Variants in CHCHD6 observed in about 807,000 individuals in gnomAD.
CHCHD6 encodes the protein MICOS complex subunit MIC25.
Under a neutral mutation model 32.3 loss-of-function variants are expected in CHCHD6, and 28 were observed. That is an observed-to-expected ratio of 0.87 (90% CI 0.64 to 1.19). The LOEUF (loss-of-function observed/expected upper bound fraction) is 1.19. CHCHD6 is among the 50% of genes most tolerant of loss of function. CHCHD6 has a pLI of 0.00. For missense variants in CHCHD6, 333 were observed against 307.0 expected, an observed-to-expected ratio of 1.08 and a Z score of -0.63; for synonymous variants, 122 against 117.5, an observed-to-expected ratio of 1.04 and a Z score of -0.25.
At chr3:126,950,601 C>T (rs1164617166) in intron 6 of CHCHD6, among the ~76,000 whole-genome samples, 2 of 152,236 alleles carry the variant, frequency 1.3e-5, no homozygotes. Flanking sequence ...CAGGCCCTCA[C>T]CACCATGCCT....
Position 126,914,686 on chromosome 3 carries a change from G to A in CHCHD6, c.502G>A (p.Glu168Lys), listed in dbSNP as rs1221643340. 5.7e-6 allele frequency: 9 copies of A among 1,579,384 alleles called. No individual in the cohort carries two copies. Among genetic ancestry groups the A allele is most frequent in the Non-Finnish European group, 7.0e-6 (8 of 1,148,476 alleles). ...TCTGTTTTTCTCCTTGTAGAATGCT[G>A]AGATGTATAAACTGTCTTCAGAGCA... ...QLERIERKNA[E>K]MYKLSSEQFH... Residue 168 changes from glutamate (E) to lysine (K), a missense_variant, in exon 6 of 8, where the codon GAG becomes AAG. Coordinates refer to ENST00000290913, the MANE Select transcript of CHCHD6 (RefSeq NM_032343.3).
At chr3:126,914,331 T>C (rs1427795054) in intron 5 of CHCHD6, among the ~76,000 whole-genome samples, 1 of 152,244 alleles carries the variant, frequency 6.6e-6, no homozygotes, top group Non-Finnish European at 1.5e-5. Flanking sequence ...TCTGCCATTG[T>C]AGCACAGAAG....
intron 6 of CHCHD6, among the ~76,000 whole-genome samples, chr3:126,943,868 G>T (rs889023192): frequency 3.9e-5 from 6 of 152,264 alleles, no homozygotes; most frequent in African/African-American, 1.4e-4. Context: ...TTTCCTTTTA[G>T]GTTATGAGTG....
At chr3:126,757,728 A>C (rs114841339) in intron 4 of CHCHD6, among the ~76,000 whole-genome samples, 1 of 152,278 alleles carries the variant, frequency 6.6e-6, no homozygotes, top group African/African-American at 2.4e-5. Flanking sequence ...CGAGTAAGAA[A>C]TTGTAAGAAA....
chr3:126,844,999 C>T (rs1941245471), intron 4 of CHCHD6, among the ~76,000 whole-genome samples: 1 of 152,184 alleles, frequency 6.6e-6, no homozygotes, highest in Non-Finnish European at 1.5e-5. Flanking sequence ...AGGTACAGCC[C>T]TGCCACTAGC....
chr3:126,748,070 T>C (rs1386167561), intron 4 of CHCHD6, among the ~76,000 whole-genome samples: 1 of 152,092 alleles, frequency 6.6e-6, no homozygotes, highest in Admixed American at 6.5e-5. Flanking sequence ...GGGGCCTCTC[T>C]GCCAGTGACC....
At chr3:126,724,740 A>G (rs747537319) in intron 1 of CHCHD6, among the ~76,000 whole-genome samples, 10 of 152,250 alleles carry the variant, frequency 6.6e-5, no homozygotes, top group Non-Finnish European at 1.5e-4. Context: ...TACTCTATCA[A>G]CTAAGTTTAT....
chr3:126,885,413 C>T (rs1013541095), intron 5 of CHCHD6, among the ~76,000 whole-genome samples: 1 of 152,160 alleles, frequency 6.6e-6, no homozygotes, highest in South Asian at 2.1e-4. Flanking sequence ...AGAACTGAGC[C>T]CCGTTTTACT....
intron 5 of CHCHD6, among the ~76,000 whole-genome samples, chr3:126,892,526 C>A (rs1203107897): frequency 6.6e-6 from 1 of 152,204 alleles, no homozygotes; most frequent in East Asian, 1.9e-4. Context: ...CAGCGTTGGG[C>A]ACCCCTGAAA....
At chr3:126,751,923 C>T (rs1442750325) in intron 4 of CHCHD6, among the ~76,000 whole-genome samples, 1 of 152,216 alleles carries the variant, frequency 6.6e-6, no homozygotes, top group Non-Finnish European at 1.5e-5. Flanking sequence ...CAGTTATGCC[C>T]CTCCAAAGCC....
chr3:126,935,177 T>G (rs959378815), intron 6 of CHCHD6: 1 of 987,190 alleles, frequency 1.0e-6, no homozygotes, highest in African/African-American at 1.7e-5. Context: ...ATTTCTGCCT[T>G]GAATGTCAGG....
chr3:126,728,675 G>A (rs1935650631), intron 2 of CHCHD6, among the ~76,000 whole-genome samples: 1 of 152,226 alleles, frequency 6.6e-6, no homozygotes, highest in African/African-American at 2.4e-5. Flanking sequence ...TCGAAAGAGG[G>A]AGAAAGTGAT....
intron 6 of CHCHD6, among the ~76,000 whole-genome samples, chr3:126,955,541 G>A (rs148612476): frequency 3.9e-5 from 6 of 152,326 alleles, no homozygotes; most frequent in Non-Finnish European, 2.9e-5. Context: ...TGGCAGGAAG[G>A]GGAAGGCGTG....
chr3:126,947,580 G>C (rs1381307627), intron 6 of CHCHD6, among the ~76,000 whole-genome samples: 1 of 152,172 alleles, frequency 6.6e-6, no homozygotes, highest in African/African-American at 2.4e-5. Flanking sequence ...GGCCAGTCAC[G>C]TGAGCTGCCT....
intron 4 of CHCHD6, among the ~76,000 whole-genome samples, chr3:126,764,224 T>TATATAA (rs1491585281): frequency 5.6e-5 from 8 of 144,014 alleles, no homozygotes; most frequent in African/African-American, 1.3e-4. Context: ...TATATATATA[T>TATATAA]AAATATATGA....
At chr3:126,735,784 C>A (rs1257115171) in intron 4 of CHCHD6, among the ~76,000 whole-genome samples, 2 of 152,210 alleles carry the variant, frequency 1.3e-5, no homozygotes, top group African/African-American at 4.8e-5. Flanking sequence ...GGTCCTCCTG[C>A]CTTCTTGAGG....
At chr3:126,862,326 C>T (rs1559887246) in intron 5 of CHCHD6, among the ~76,000 whole-genome samples, 3 of 140,538 alleles carry the variant, frequency 2.1e-5, no homozygotes, top group Non-Finnish European at 3.1e-5. Context: ...CCTCCTCCTC[C>T]TCCACCATCA....
chr3:126,883,167 G>A (rs968908249), intron 5 of CHCHD6, among the ~76,000 whole-genome samples: 48 of 152,160 alleles, frequency 3.2e-4, no homozygotes, highest in African/African-American at 1.1e-3. Flanking sequence ...GAAGCTCCAC[G>A]TCCCTTTTCC....
chr3:126,945,915 G>C (rs1053552068), intron 6 of CHCHD6, among the ~76,000 whole-genome samples: 3 of 152,036 alleles, frequency 2.0e-5, no homozygotes, highest in African/African-American at 7.2e-5. Context: ...AAGACGACAG[G>C]GGGTGGGGAA....
Sources: gnomAD v4.1 joint callset for allele counts (sites outside exome capture counted in the v4.1 genomes callset) on GRCh38, gnomAD v4.1.1 for gene constraint, MANE v1.5 for transcripts, NCBI Gene and HGNC (gene_info 2026-07-23, HGNC 2026-07-21) for gene names.